Variants in HIP1 observed in about 807,000 individuals in gnomAD.
HIP1 encodes the protein huntingtin interacting protein 1, also known as huntingtin-interacting protein 1.
In HIP1, 65 loss-of-function variants were observed where a neutral mutation model predicts 147.6. The ratio of observed to expected loss-of-function variants is 0.44; its 90% confidence interval spans 0.36 to 0.54. HIP1 has a LOEUF of 0.54. Ranked by LOEUF, HIP1 falls within the 20% of genes least tolerant of loss-of-function variation. The pLI is 0.00. For synonymous variants in HIP1, 479 were observed against 504.0 expected, an observed-to-expected ratio of 0.95 and a Z score of 0.67; for missense variants, 1,061 against 1,299.6, an observed-to-expected ratio of 0.82 and a Z score of 2.82.
chr7:75,703,655 C>G (rs1179519185), intron 1 of HIP1, among the ~76,000 whole-genome samples: 2 of 151,622 alleles, frequency 1.3e-5, no homozygotes, highest in Non-Finnish European at 2.9e-5. Context: ...ACAAAAAAGC[C>G]AAATATATAG....
intron 2 of HIP1, among the ~76,000 whole-genome samples, chr7:75,597,294 G>A (rs1554502117): frequency 6.6e-6 from 1 of 152,158 alleles, no homozygotes; most frequent in Non-Finnish European, 1.5e-5. Flanking sequence ...GGGCTTCTCT[G>A]GCTATCTAAC....
chr7:75,593,800 T>A (rs1796586416), intron 2 of HIP1, among the ~76,000 whole-genome samples: 1 of 151,922 alleles, frequency 6.6e-6, no homozygotes, highest in Admixed American at 6.6e-5. Context: ...CAATCTTTGT[T>A]TAAAATGCCC....
At chr7:75,556,565 G>T in intron 17 of HIP1, 145 bp downstream of exon 17, 6 of 620,658 alleles carry the variant, frequency 9.7e-6, no homozygotes, top group Non-Finnish European at 1.7e-5. Context: ...TGTGCCTGTA[G>T]TCCCAGTTAC....
At chr7:75,689,308 C>T (rs1325236034) in intron 1 of HIP1, among the ~76,000 whole-genome samples, 3 of 152,122 alleles carry the variant, frequency 2.0e-5, no homozygotes, top group Admixed American at 6.6e-5. Context: ...GAATTCGAGA[C>T]CCGCCTGGCC....
At chr7:75,598,881 A>C (rs1796861896) in intron 2 of HIP1, among the ~76,000 whole-genome samples, 1 of 152,196 alleles carries the variant, frequency 6.6e-6, no homozygotes. Context: ...CCTGGGCAAC[A>C]CGGCAAGACC....
At chr7:75,652,561 G>A (rs1035309994) in intron 1 of HIP1, among the ~76,000 whole-genome samples, 2 of 151,844 alleles carry the variant, frequency 1.3e-5, no homozygotes, top group African/African-American at 2.4e-5. Context: ...ATGGTGTCTC[G>A]TTTTTGTTGC....
intron 1 of HIP1, among the ~76,000 whole-genome samples, chr7:75,728,575 A>G (rs1324856290): frequency 1.3e-5 from 2 of 152,210 alleles, no homozygotes; most frequent in Non-Finnish European, 2.9e-5. Flanking sequence ...GGGGAGCAGA[A>G]AACAGTCTTC....
chr7:75,712,521 T>C (rs1447178169), intron 1 of HIP1, among the ~76,000 whole-genome samples: 2 of 152,182 alleles, frequency 1.3e-5, no homozygotes, highest in Non-Finnish European at 2.9e-5. Flanking sequence ...GGAGAACAGC[T>C]TGACGAGGGG....
chr7:75,718,117 T>TA (rs1231389923), intron 1 of HIP1, among the ~76,000 whole-genome samples: 4 of 151,670 alleles, frequency 2.6e-5, no homozygotes, highest in African/African-American at 4.8e-5. Flanking sequence ...ACCCCATTTC[T>TA]AAAAAAAATT....
At chr7:75,727,832 C>T (rs1286262417) in intron 1 of HIP1, among the ~76,000 whole-genome samples, 6 of 141,762 alleles carry the variant, frequency 4.2e-5, no homozygotes, top group Non-Finnish European at 9.0e-5. Flanking sequence ...GGTGACAAAG[C>T]GAGACTCCAT....
At chr7:75,592,150 A>G (rs1584848142) in intron 3 of HIP1, 38 bp from the exon 4 acceptor site, 1 of 1,586,790 alleles carries the variant, frequency 6.3e-7, no homozygotes, top group South Asian at 1.1e-5. Flanking sequence ...GAGAATGGAG[A>G]AGGAAAGAAA....
At chr7:75,585,831 G>A (rs735956) in intron 5 of HIP1, among the ~76,000 whole-genome samples, 37,731 of 151,412 alleles carry the variant, frequency 0.25, 4,933 homozygotes, top group African/African-American at 0.3. Context: ...TCTTTTTTCT[G>A]TGAAACAGGG....
At chr7:75,654,551 AC>A (rs1799088733) in intron 1 of HIP1, 1 of 152,238 alleles carries the variant, frequency 6.6e-6, no homozygotes, top group South Asian at 2.1e-4. Flanking sequence ...AACCAGGCCA[AC>A]CTTCACTCGG....
intron 1 of HIP1, among the ~76,000 whole-genome samples, chr7:75,672,608 G>A (rs1475389943): frequency 6.6e-6 from 1 of 152,154 alleles, no homozygotes; most frequent in Non-Finnish European, 1.5e-5. Flanking sequence ...GATTACAAGT[G>A]TGAGCTACCA....
At chr7:75,628,570 C>G (rs587599811) in intron 1 of HIP1, among the ~76,000 whole-genome samples, 1 of 151,662 alleles carries the variant, frequency 6.6e-6, no homozygotes, top group Non-Finnish European at 1.5e-5. Context: ...CCTCTGCCTC[C>G]CGGGTTCAAG....
At position 75,708,653 on chromosome 7, in the gene HIP1, A is replaced by T. The variant is rs897844340; in HGVS notation, c.120+30148T>A. On this transcript the variant is annotated intron_variant, in intron 1 of 30. Coordinates refer to ENST00000336926, the MANE Select transcript of HIP1 (RefSeq NM_005338.7). The stretch of plus-strand genomic sequence containing the variant: ...GGCCTTGGCACTCTGTTGAAAAATC[A>T]TTTAATCATATATTGAGGAGAGTTT... Among the ~76,000 whole-genome samples, 10 of 152,224 alleles carry T rather than the reference A, an allele frequency of 6.6e-5. No homozygotes were observed. The East Asian group carries it at 1.7e-3, about 26-fold the overall frequency.
At chr7:75,720,340 G>C (rs1554521131) in intron 1 of HIP1, among the ~76,000 whole-genome samples, 1 of 151,770 alleles carries the variant, frequency 6.6e-6, no homozygotes, top group Non-Finnish European at 1.5e-5. Context: ...TTTGTATTTT[G>C]AGTAGAGATG....
intron 1 of HIP1, among the ~76,000 whole-genome samples, chr7:75,646,758 ACT>A (rs1305112712): frequency 2.2e-4 from 33 of 152,052 alleles, no homozygotes; most frequent in Non-Finnish European, 4.4e-4. Flanking sequence ...GCCCCATGGC[ACT>A]CTCTGGACAC....
At chr7:75,593,169 A>T (rs782411614) in intron 2 of HIP1, among the ~76,000 whole-genome samples, 1 of 152,052 alleles carries the variant, frequency 6.6e-6, no homozygotes, top group Non-Finnish European at 1.5e-5. Flanking sequence ...AGATCTTGCT[A>T]TGTTGCCCAG....
Sources: allele counts gnomAD v4.1 joint callset (sites outside exome capture counted in the v4.1 genomes callset), GRCh38; gene constraint gnomAD v4.1.1; transcripts MANE v1.5; gene names NCBI Gene and HGNC (gene_info 2026-07-23, HGNC 2026-07-21).